Variants in DMTF1 observed in about 807,000 individuals in gnomAD.
DMTF1 encodes the protein cyclin D binding myb like transcription factor 1.
Under a neutral mutation model 91.1 loss-of-function variants are expected in DMTF1, and 39 were observed. That is an observed-to-expected ratio of 0.43 (90% CI 0.33 to 0.56). DMTF1 has a LOEUF of 0.56. Among genes scored for constraint, DMTF1 ranks in the 20% least tolerant of loss-of-function variants. DMTF1 has a pLI of 0.05. For synonymous variants in DMTF1, 338 were observed against 309.5 expected (o/e 1.09, Z -0.97); for missense variants, 750 against 914.5 (o/e 0.82, Z 2.32).
Position 87,194,047 on chromosome 7 carries a change from C to T in DMTF1, c.1973C>T (p.Thr658Ile). ...AGAACAGAAGAAGAAATCTCTGACA[C>T]CGACCTTAAACAAGAGGAATCACCC... ...MVRTEEEISDTDLKQEESPSD... is the reference protein window; with the variant it reads ...MVRTEEEISDIDLKQEESPSD... The change falls in exon 16 of 18, where the codon ACC (threonine) becomes ATC (isoleucine). Residue 658 changes from threonine (T) to isoleucine (I), a missense_variant. Physicochemically the swap from Thr to Ile is moderately conservative, Grantham distance 89. Transcript: ENST00000331242. 6.2e-7 allele frequency: 1 copy of T among 1,611,940 alleles called. No homozygotes were observed. The highest frequency in any genetic ancestry group is 1.3e-5 in the African/African-American group (1 of 74,892).
chr7:87,174,725 A>G, intron 7 of DMTF1, 56 bp downstream of exon 7: 1 of 1,220,634 alleles, frequency 8.2e-7, no homozygotes, highest in South Asian at 1.3e-5. Flanking sequence ...AATTGCAAAA[A>G]TATCAACACA....
At chr7:87,174,537 TTTTA>T in intron 6 of DMTF1, 52 bp from the exon 7 acceptor site, 2 of 1,183,742 alleles carry the variant, frequency 1.7e-6, no homozygotes, top group East Asian at 2.4e-5. Context: ...ATCTTTGGTG[TTTTA>T]TTTCTTTCAA....
At chr7:87,162,096 G>GT (rs1008266041) in intron 1 of DMTF1, among the ~76,000 whole-genome samples, 17 of 152,240 alleles carry the variant, frequency 1.1e-4, no homozygotes, top group Admixed American at 7.8e-4. Context: ...TGCAGCATAA[G>GT]TTTTATTTTT....
intron 16 of DMTF1, 71 bp from the exon 17 acceptor site, chr7:87,194,603 AACCTATACAT>A: frequency 1.9e-6 from 2 of 1,039,846 alleles, no homozygotes; most frequent in Non-Finnish European, 2.8e-6. Flanking sequence ...GTTTAAGTCT[AACCTATACAT>A]ACCTATACAT....
At chr7:87,171,183 G>C in intron 5 of DMTF1, 94 bp downstream of exon 5, 1 of 811,080 alleles carries the variant, frequency 1.2e-6, no homozygotes, top group Admixed American at 2.6e-5. Flanking sequence ...CCCAAGTAGC[G>C]AGGACTACTG....
intron 13 of DMTF1, among the ~76,000 whole-genome samples, chr7:87,190,333 A>G (rs1031098697): frequency 5.3e-5 from 8 of 152,068 alleles, no homozygotes; most frequent in African/African-American, 1.2e-4. Context: ...ACATTAGTTT[A>G]TAAAGTAAGT....
At chr7:87,155,078 C>T (rs1353350689) in intron 1 of DMTF1, among the ~76,000 whole-genome samples, 1 of 152,164 alleles carries the variant, frequency 6.6e-6, no homozygotes, top group Admixed American at 6.5e-5. Context: ...AAATTAACAC[C>T]TGTGAGGATG....
At chr7:87,188,981 A>G (rs1439677014) in intron 13 of DMTF1, among the ~76,000 whole-genome samples, 1 of 152,212 alleles carries the variant, frequency 6.6e-6, no homozygotes, top group African/African-American at 2.4e-5. Flanking sequence ...TGGTCTACAT[A>G]TGCTACCTGC....
chr7:87,191,234 C>G (rs1799690120), intron 14 of DMTF1, among the ~76,000 whole-genome samples: 1 of 152,068 alleles, frequency 6.6e-6, no homozygotes, highest in South Asian at 2.1e-4. Context: ...AATGACAGTG[C>G]TAATGAGTAT....
At chr7:87,172,994 T>C (rs1795438237) in intron 5 of DMTF1, among the ~76,000 whole-genome samples, 2 of 152,232 alleles carry the variant, frequency 1.3e-5, no homozygotes, top group Admixed American at 1.3e-4. Flanking sequence ...AAGCGGACAG[T>C]GATTTTGCAA....
chr7:87,156,951 AAGT>A (rs1268098983), intron 1 of DMTF1, among the ~76,000 whole-genome samples: 1 of 152,146 alleles, frequency 6.6e-6, no homozygotes, highest in African/African-American at 2.4e-5. Flanking sequence ...TCAAAATGTA[AAGT>A]AGTAATGATA....
chr7:87,170,915 T>G, intron 4 of DMTF1, 80 bp from the exon 5 acceptor site: 2 of 909,224 alleles, frequency 2.2e-6, no homozygotes, highest in Non-Finnish European at 1.7e-6. Context: ...GATGATCATG[T>G]TTTTTTTCCC....
At position 87,195,860 on chromosome 7, in the gene DMTF1, T is replaced by C. The variant is rs1801120701; in HGVS notation, c.*720T>C. 1 of 152,522 alleles carries C rather than the reference T, an allele frequency of 6.6e-6. No individual in the cohort carries two copies. Among genetic ancestry groups the C allele is most frequent in the Admixed American group, 6.6e-5 (1 of 15,242 alleles). The allele number at this position is 152,522 out of a possible 1,614,324, so 9.4% of individuals were successfully genotyped here. ...TCATTAGTTTACAAAGTTAGCACTT[T>C]GAAGTAAAACTAAATGAGGAAGGAA... On this transcript the variant is annotated 3_prime_UTR_variant, in exon 18 of 18. Transcript: ENST00000331242.
At chr7:87,170,966 C>T (rs748948300) in intron 4 of DMTF1, 29 bp from the exon 5 acceptor site, 1 of 1,424,370 alleles carries the variant, frequency 7.0e-7, no homozygotes, top group Non-Finnish European at 9.9e-7. Flanking sequence ...CGTTATTATT[C>T]TGGAGATGAA....
chr7:87,189,955 A>G (rs528066434), intron 13 of DMTF1, among the ~76,000 whole-genome samples: 1 of 152,234 alleles, frequency 6.6e-6, no homozygotes, highest in Admixed American at 6.5e-5. Flanking sequence ...GTGCATTTCT[A>G]TTGGTAAGGG....
intron 1 of DMTF1, chr7:87,152,822 C>T: frequency 6.5e-6 from 1 of 154,488 alleles, no homozygotes; most frequent in Non-Finnish European, 1.5e-5. Context: ...CGAGGCACAG[C>T]GGCGATCCGG....
Position 87,195,222 on chromosome 7 carries a change from C to T in DMTF1, c.*82C>T. ...TCTTCAAAGAAATAGGAGCAACCCCCAAGAGGCTTAATTTACCAATTTAAA... is the reference window on the plus strand; with the variant it reads ...TCTTCAAAGAAATAGGAGCAACCCCTAAGAGGCTTAATTTACCAATTTAAA... On this transcript the variant is annotated 3_prime_UTR_variant, in exon 18 of 18. Coordinates refer to ENST00000331242, the MANE Select transcript of DMTF1 (RefSeq NM_001142327.2). 1.0e-6 allele frequency: 1 copy of T among 966,244 alleles called. No homozygotes were observed. Among genetic ancestry groups the T allele is most frequent in the Non-Finnish European group, 1.6e-6 (1 of 628,642 alleles). 59.9% of individuals were successfully genotyped at this position (966,244 alleles called of 1,614,324 possible).
chr7:87,194,505 G>T, intron 16 of DMTF1, 179 bp from the exon 17 acceptor site: 1 of 498,674 alleles, frequency 2.0e-6, no homozygotes, highest in Non-Finnish European at 3.5e-6. Flanking sequence ...AGTTCCTTTT[G>T]TTAAAAGTAT....
At chr7:87,191,465 TACCAAAGGATCC>T (rs1337120948) in intron 14 of DMTF1, among the ~76,000 whole-genome samples, 2 of 152,156 alleles carry the variant, frequency 1.3e-5, no homozygotes, top group Non-Finnish European at 2.9e-5. Context: ...TAAGCACAGT[TACCAAAGGATCC>T]ACCTAAGAGA....
Sources: gnomAD v4.1 joint callset for allele counts (sites outside exome capture counted in the v4.1 genomes callset) on GRCh38, gnomAD v4.1.1 for gene constraint, MANE v1.5 for transcripts, NCBI Gene and HGNC (gene_info 2026-07-23, HGNC 2026-07-21) for gene names.